The following EYS variants were observed in gnomAD, a reference collection of about 807,000 sequenced individuals.
EYS encodes EGF-like photoreceptor maintenance factor.
A neutral mutation model predicts 282.1 loss-of-function variants in EYS; 250 were observed. That is an observed-to-expected ratio of 0.89 (90% CI 0.80 to 0.98). The LOEUF (loss-of-function observed/expected upper bound fraction) is 0.98. EYS is among the 50% of genes least tolerant of loss of function. The probability of loss-of-function intolerance (pLI) is 0.00; values close to 1 mark genes in which losing one functional copy is unlikely to be tolerated. For synonymous variants in EYS, 1,355 were observed against 1,282.9 expected, an observed-to-expected ratio of 1.06 and a Z score of -1.20; for missense variants, 4,016 against 3,709.0, an observed-to-expected ratio of 1.08 and a Z score of -2.15.
At chr6:65,477,585 A>AT (rs1248716418) in intron 5 of EYS, among the ~76,000 whole-genome samples, 1 of 152,198 alleles carries the variant, frequency 6.6e-6, no homozygotes, top group Non-Finnish European at 1.5e-5. Flanking sequence ...CCAATTCAAC[A>AT]TTCTACAAGG....
intron 2 of EYS, among the ~76,000 whole-genome samples, chr6:65,554,716 T>A (rs1195731950): frequency 6.6e-6 from 1 of 152,148 alleles, no homozygotes; most frequent in Admixed American, 6.6e-5. Context: ...CAATGCCCTA[T>A]CAGAAAGATT....
At chr6:64,619,119 C>T (rs904631371) in intron 23 of EYS, among the ~76,000 whole-genome samples, 13 of 151,934 alleles carry the variant, frequency 8.6e-5, no homozygotes, top group Non-Finnish European at 1.0e-4. Flanking sequence ...ATAGAGGTGG[C>T]GAGAATTATT....
chr6:64,647,612 T>A (rs184531117), intron 22 of EYS, among the ~76,000 whole-genome samples: 1 of 152,318 alleles, frequency 6.6e-6, no homozygotes, highest in East Asian at 1.9e-4. Flanking sequence ...GGCTAATATT[T>A]TTTATTTGTG....
At chr6:64,041,302 G>C (rs1770379522) in intron 33 of EYS, among the ~76,000 whole-genome samples, 1 of 152,090 alleles carries the variant, frequency 6.6e-6, no homozygotes, top group African/African-American at 2.4e-5. Flanking sequence ...AACTAAAGTA[G>C]ACTAAAATAG....
chr6:64,440,249 C>T (rs961915978), intron 26 of EYS, among the ~76,000 whole-genome samples: 20 of 152,040 alleles, frequency 1.3e-4, no homozygotes, highest in African/African-American at 4.3e-4. Context: ...CGAATCTGTA[C>T]TTTAAAACTT....
chr6:64,061,620 A>C (rs2149851786), intron 33 of EYS, among the ~76,000 whole-genome samples: 1 of 152,370 alleles, frequency 6.6e-6, no homozygotes, highest in Middle Eastern at 3.4e-3. Flanking sequence ...TAACAGAATA[A>C]AAAATAATAG....
chr6:64,614,352 C>T (rs897934875), intron 24 of EYS, among the ~76,000 whole-genome samples: 1 of 151,914 alleles, frequency 6.6e-6, no homozygotes, highest in Admixed American at 6.6e-5. Context: ...TCCTTTTACG[C>T]AATGCATCAT....
intron 31 of EYS, among the ~76,000 whole-genome samples, chr6:64,186,436 A>G (rs140261226): frequency 1.8e-3 from 273 of 152,324 alleles, no homozygotes; most frequent in African/African-American, 6.0e-3. Flanking sequence ...TGAATTTATT[A>G]TCAGAGCAGA....
intron 7 of EYS, 27 bp downstream of exon 7, chr6:65,402,451 T>TA (rs994723346): frequency 4.2e-6 from 6 of 1,411,868 alleles, no homozygotes; most frequent in Non-Finnish European, 6.0e-6. Flanking sequence ...TACTTTGTAT[T>TA]AAAAATAAAC....
chr6:64,405,945 T>G (rs192616231), intron 28 of EYS, among the ~76,000 whole-genome samples: 1 of 152,138 alleles, frequency 6.6e-6, no homozygotes, highest in Non-Finnish European at 1.5e-5. Flanking sequence ...CTTCACAGAA[T>G]TGGAAAATAC....
intron 35 of EYS, among the ~76,000 whole-genome samples, chr6:63,951,259 T>G (rs1034999433): frequency 2.0e-5 from 3 of 152,146 alleles, no homozygotes; most frequent in Admixed American, 6.5e-5. Context: ...GCAATGCCAC[T>G]TGACCCCAAT....
rs1448731777 is a variant in EYS at position 64,639,611 on chromosome 6, C to A, written c.3444-13366G>T. On this transcript the variant is annotated intron_variant, in intron 22 of 42. Coordinates refer to ENST00000503581, the MANE Select transcript of EYS (RefSeq NM_001142800.2). ...ACGTTAGACCTAAAACCATAAAAAC[C>A]CTAGAAGAAAACCTAGGCATTACCA... Among the ~76,000 whole-genome samples, 2 of 90,302 alleles carry A rather than the reference C, an allele frequency of 2.2e-5. 1 individual carries two copies. The highest frequency in any genetic ancestry group is 4.9e-4 in the East Asian group (2 of 4,080). 59.2% of individuals were successfully genotyped at this position (90,302 alleles called of 152,430 possible). A position where few individuals can be genotyped will look rare whatever the true frequency, so the allele number is the denominator to read the frequency against.
chr6:64,733,448 C>T (rs868369528), intron 22 of EYS: 2 of 188,370 alleles, frequency 1.1e-5, no homozygotes, highest in Middle Eastern at 1.3e-3. Flanking sequence ...TCCACTTGGC[C>T]ACCACAATGA....
At chr6:65,563,843 CAT>C (rs1376479312) in intron 2 of EYS, among the ~76,000 whole-genome samples, 3 of 152,078 alleles carry the variant, frequency 2.0e-5, no homozygotes, top group Admixed American at 2.0e-4. Context: ...ATTGAGCAAA[CAT>C]GTGGCAGATG....
intron 12 of EYS, among the ~76,000 whole-genome samples, chr6:65,279,800 T>G (rs1195974700): frequency 1.3e-5 from 2 of 152,206 alleles, no homozygotes; most frequent in Admixed American, 1.3e-4. Context: ...ACATCTTGAT[T>G]GTTTACATCT....
At chr6:64,437,015 C>G (rs1774773721) in intron 27 of EYS, among the ~76,000 whole-genome samples, 1 of 151,604 alleles carries the variant, frequency 6.6e-6, no homozygotes, top group African/African-American at 2.4e-5. Context: ...TAACTTGTGC[C>G]CCTAGCTGTA....
chr6:64,571,271 C>G (rs1208858043), intron 26 of EYS, among the ~76,000 whole-genome samples: 2 of 152,042 alleles, frequency 1.3e-5, no homozygotes, highest in Non-Finnish European at 2.9e-5. Flanking sequence ...CTCTGGGACA[C>G]TCCTTAGTGT....
chr6:64,996,210 C>T (rs1358391911), intron 14 of EYS, among the ~76,000 whole-genome samples: 1 of 152,072 alleles, frequency 6.6e-6, no homozygotes, highest in Non-Finnish European at 1.5e-5. Flanking sequence ...CAACAGTTGA[C>T]CACAGGCCAG....
intron 12 of EYS, among the ~76,000 whole-genome samples, chr6:65,244,057 C>T (rs927463836): frequency 1.2e-4 from 19 of 152,100 alleles, no homozygotes. Flanking sequence ...GCCTATTGAA[C>T]GCTCACTCTG....
Sources: allele counts gnomAD v4.1 joint callset (sites outside exome capture counted in the v4.1 genomes callset), GRCh38; gene constraint gnomAD v4.1.1; transcripts MANE v1.5; gene names NCBI Gene and HGNC (gene_info 2026-07-23, HGNC 2026-07-21).